The following FOCAD variants were observed in gnomAD, a reference collection of about 807,000 sequenced individuals.
FOCAD encodes KIAA1797.
In FOCAD, 198 loss-of-function variants were observed where a neutral mutation model predicts 225.6. The observed-to-expected ratio is 0.88, with a 90% CI of 0.78 to 0.99. The LOEUF is 0.99. FOCAD is among the 50% of genes least tolerant of loss of function. FOCAD has a pLI of 0.00. For missense variants in FOCAD, 2,713 were observed against 2,123.6 expected, an observed-to-expected ratio of 1.28 and a Z score of -5.46; for synonymous variants, 897 against 755.0, an observed-to-expected ratio of 1.19 and a Z score of -3.08.
intron 11 of FOCAD, among the ~76,000 whole-genome samples, chr9:20,810,241 T>C (rs1182618510): frequency 6.6e-6 from 1 of 152,160 alleles, no homozygotes; most frequent in Admixed American, 6.5e-5. Flanking sequence ...GGAAATCTGC[T>C]ATTTTATTAA....
chr9:20,877,707 C>T (rs575786969), intron 19 of FOCAD, among the ~76,000 whole-genome samples: 3 of 152,074 alleles, frequency 2.0e-5, no homozygotes, highest in Admixed American at 6.6e-5. Context: ...ACCTCAAGCT[C>T]GAGACCAGCC....
At position 20,944,774 on chromosome 9, in the gene FOCAD, G is replaced by A. The variant is rs1837020553; in HGVS notation, c.3555G>A (p.Glu1185=). Reference sequence around the variant, plus strand: ...GGAGCCAGAGCAGAACGTTTCAGGAGGTAAGAGATGGAGGCTACATTTTTT... The same window carrying A: ...GGAGCCAGAGCAGAACGTTTCAGGAAGTAAGAGATGGAGGCTACATTTTTT... ...DSGSQSRTFQ[E]VLAYTLSCVC... is the part of the protein sequence containing the mutation. Residue 1185 remains glutamate (E), a splice_region_variant and synonymous_variant, in exon 29 of 44, where the codon GAG becomes GAA. Coordinates refer to ENST00000338382, the MANE Select transcript of FOCAD (RefSeq NM_001375567.1). 2 of 1,609,632 alleles carry A rather than the reference G, an allele frequency of 1.2e-6. No individual in the cohort carries two copies. Among genetic ancestry groups the A allele is most frequent in the African/African-American group, 1.3e-5 (1 of 74,954 alleles).
chr9:20,909,059 A>C (rs962643532), intron 22 of FOCAD, among the ~76,000 whole-genome samples: 1 of 152,056 alleles, frequency 6.6e-6, no homozygotes, highest in Non-Finnish European at 1.5e-5. Context: ...ATGAACTAAG[A>C]ATTCTATTTA....
intron 15 of FOCAD, among the ~76,000 whole-genome samples, chr9:20,860,268 A>G (rs1828642546): frequency 6.6e-6 from 1 of 152,108 alleles, no homozygotes; most frequent in South Asian, 2.1e-4. Flanking sequence ...AGGATCCCAT[A>G]TTGCATTTCG....
chr9:20,912,863 C>T lies in FOCAD; in HGVS notation c.2719-3C>T. 6.2e-7 allele frequency: 1 copy of T among 1,611,774 alleles called. No individual in the cohort carries two copies. The highest frequency in any genetic ancestry group is 8.5e-7 in the Non-Finnish European group (1 of 1,178,514). On this transcript the variant is annotated splice_polypyrimidine_tract_variant and splice_region_variant and intron_variant, in intron 22 of 43. Transcript: ENST00000338382. ...ATGCTGATTTATGCTGTGATTTTTGCAGGGAAGACTAGGAGAGCTGGAGTT... is the reference window on the plus strand; with the variant it reads ...ATGCTGATTTATGCTGTGATTTTTGTAGGGAAGACTAGGAGAGCTGGAGTT...
intron 5 of FOCAD, among the ~76,000 whole-genome samples, chr9:20,743,303 A>C (rs993163144): frequency 5.3e-5 from 8 of 152,228 alleles, no homozygotes; most frequent in Non-Finnish European, 1.2e-4. Flanking sequence ...AATAAGTGTA[A>C]GCTTTCTGAG....
chr9:20,981,171 G>A (rs1240809263), intron 37 of FOCAD, among the ~76,000 whole-genome samples: 1 of 152,108 alleles, frequency 6.6e-6, no homozygotes, highest in Non-Finnish European at 1.5e-5. Flanking sequence ...TTTAAGCTGA[G>A]TAGTTCACAG....
chr9:20,764,950 T>C lies in FOCAD; in HGVS notation c.576T>C (p.Ala192=). The change falls in exon 7 of 44, where the codon GCT becomes GCC. Residue 192 remains alanine, a synonymous_variant. Coordinates refer to ENST00000338382, the MANE Select transcript of FOCAD (RefSeq NM_001375567.1). The part of the protein sequence containing the change: ...YCEPSQLQEY[A]KLRLALLKVL... ...AACCATCTCAGTTACAAGAATATGC[T>C]AAACTCCGACTAGCCCTGCTGAAAG... is the stretch of plus-strand genomic sequence containing the variant. 2 of 1,614,140 alleles carry C rather than the reference T, an allele frequency of 1.2e-6. No individual in the cohort carries two copies. The highest frequency in any genetic ancestry group is 1.7e-6 in the Non-Finnish European group (2 of 1,180,008).
chr9:20,797,885 C>T lies in FOCAD; in HGVS notation c.1455+8277C>T, dbSNP rs571359927. The stretch of plus-strand genomic sequence containing the variant: ...CTGGCCAGAACTTCCAACACTATGT[C>T]GAATGGGAGTGGTGAGAGAGGGTAT... On this transcript the variant is annotated intron_variant, in intron 11 of 43. Coordinates refer to ENST00000338382, the MANE Select transcript of FOCAD (RefSeq NM_001375567.1). 4.6e-5 allele frequency among the ~76,000 whole-genome samples: 7 copies of T among 152,150 alleles called. No individual in the cohort carries two copies. In the East Asian group the frequency reaches 9.7e-4, roughly 21 times the overall value.
intron 21 of FOCAD, among the ~76,000 whole-genome samples, chr9:20,886,502 A>G (rs189571946): frequency 6.6e-6 from 1 of 152,306 alleles, no homozygotes; most frequent in Non-Finnish European, 1.5e-5. Flanking sequence ...AAGAAAAAGC[A>G]TTAGTGCAGG....
intron 2 of FOCAD, among the ~76,000 whole-genome samples, chr9:20,659,732 A>T (rs1292752700): frequency 6.6e-6 from 1 of 152,246 alleles, no homozygotes; most frequent in Non-Finnish European, 1.5e-5. Flanking sequence ...AGTAATAGTC[A>T]TTGAAAGATT....
At chr9:20,925,810 G>A (rs1175190538) in intron 25 of FOCAD, among the ~76,000 whole-genome samples, 1 of 152,150 alleles carries the variant, frequency 6.6e-6, no homozygotes, top group Non-Finnish European at 1.5e-5. Context: ...TGAGTTGGGT[G>A]AATGTTGTCA....
upstream of FOCAD, among the ~76,000 whole-genome samples, chr9:20,679,550 G>C (rs1587201901): frequency 6.6e-6 from 1 of 151,982 alleles, no homozygotes; most frequent in East Asian, 1.9e-4. Flanking sequence ...TTAATGACTT[G>C]GGAGTGGGCA....
chr9:20,897,743 A>G (rs1443319323), intron 21 of FOCAD, among the ~76,000 whole-genome samples: 1 of 151,738 alleles, frequency 6.6e-6, no homozygotes. Context: ...CATGACTACT[A>G]TTATTATTTT....
intron 8 of FOCAD, among the ~76,000 whole-genome samples, chr9:20,772,427 G>A (rs892709194): frequency 2.8e-4 from 43 of 152,174 alleles, no homozygotes; most frequent in Admixed American, 6.5e-4. Flanking sequence ...GGGTGTTTGT[G>A]GTGGTTATTT....
intron 11 of FOCAD, among the ~76,000 whole-genome samples, chr9:20,791,907 C>T (rs1320192581): frequency 2.6e-5 from 4 of 152,146 alleles, no homozygotes; most frequent in Non-Finnish European, 5.9e-5. Flanking sequence ...CAGAACTTCT[C>T]AGTTTGTCTT....
intron 21 of FOCAD, among the ~76,000 whole-genome samples, chr9:20,903,202 C>A (rs917269473): frequency 6.6e-6 from 1 of 151,922 alleles, no homozygotes; most frequent in Non-Finnish European, 1.5e-5. Context: ...CTTCAGGCTC[C>A]TAGCCTCATC....
chr9:20,890,893 C>T (rs574167116), intron 21 of FOCAD, among the ~76,000 whole-genome samples: 61 of 152,056 alleles, frequency 4.0e-4, no homozygotes, highest in African/African-American at 1.4e-3. Flanking sequence ...TGTGTATCTA[C>T]CTACAGACAC....
intron 2 of FOCAD, among the ~76,000 whole-genome samples, chr9:20,716,889 A>G (rs117709046): frequency 7.1e-4 from 108 of 152,316 alleles, no homozygotes; most frequent in Non-Finnish European, 1.1e-3. Flanking sequence ...GACTTATAAG[A>G]AGCACTGTAT....
Sources: gnomAD v4.1 joint callset for allele counts (sites outside exome capture counted in the v4.1 genomes callset) on GRCh38, gnomAD v4.1.1 for gene constraint, MANE v1.5 for transcripts, NCBI Gene and HGNC (gene_info 2026-07-23, HGNC 2026-07-21) for gene names.